ALX1: variants seen among roughly 807,000 people sequenced by gnomAD.
ALX1 encodes the protein ALX homeobox protein 1.
Under a neutral mutation model 31.7 loss-of-function variants are expected in ALX1, and 19 were observed. The observed-to-expected ratio is 0.60, with a 90% confidence interval of 0.42 to 0.88. The LOEUF (loss-of-function observed/expected upper bound fraction) is 0.88, where lower values mean the gene tolerates loss of function less well. Ranked by LOEUF, ALX1 falls within the 40% of genes least tolerant of loss-of-function variation. The probability of loss-of-function intolerance (pLI) is 0.00; values close to 1 mark genes in which losing one functional copy is unlikely to be tolerated. For missense variants in ALX1, 415 were observed against 407.8 expected, an observed-to-expected ratio of 1.02 and a Z score of -0.15; for synonymous variants, 153 against 148.8, an observed-to-expected ratio of 1.03 and a Z score of -0.20.
chr12:85,299,575 A>T (rs968619359), intron 3 of ALX1, among the ~76,000 whole-genome samples: 1 of 151,714 alleles, frequency 6.6e-6, no homozygotes, highest in Non-Finnish European at 1.5e-5. Context: ...ATAAAGAATT[A>T]TTTTTTAAGA....
In ALX1 at chr12:85,301,213, T is replaced by C. The variant is rs574106917; in HGVS notation, c.719T>C (p.Met240Thr). 3 of 1,614,076 alleles carry C rather than the reference T, an allele frequency of 1.9e-6. No individual in the cohort carries two copies. The highest frequency in any genetic ancestry group is 1.1e-5 in the South Asian group (1 of 91,078). ...ASGGSVVTSCMLPRDTSSCMT... is the reference protein window; with the variant it reads ...ASGGSVVTSCTLPRDTSSCMT... Reference sequence around the variant, plus strand: ...GGTGGTTCTGTGGTTACTTCATGCATGTTACCACGTGACACTTCCTCCTGT... The same window carrying C: ...GGTGGTTCTGTGGTTACTTCATGCACGTTACCACGTGACACTTCCTCCTGT... Residue 240 changes from methionine (M) to threonine (T), a missense_variant, in exon 4 of 4, where the codon ATG becomes ACG. This residue lies in a region of ALX1 where 174 missense variants were observed against 177.5 expected (regional missense o/e 0.98). Transcript: ENST00000316824.
At chr12:85,293,799 G>C (rs1235208727) in intron 3 of ALX1, among the ~76,000 whole-genome samples, 1 of 151,056 alleles carries the variant, frequency 6.6e-6, no homozygotes. Context: ...TCAAAGCCCA[G>C]GAAGTCTATT....
intron 3 of ALX1, among the ~76,000 whole-genome samples, chr12:85,297,029 T>C (rs117306204): frequency 0.01 from 1,591 of 151,858 alleles, 13 homozygotes; most frequent in Non-Finnish European, 0.016. Flanking sequence ...CACTTTTAGA[T>C]AATATGCACA....
intron 3 of ALX1, 92 bp from the exon 4 acceptor site, chr12:85,301,063 G>T: frequency 6.9e-7 from 1 of 1,446,566 alleles, no homozygotes; most frequent in Non-Finnish European, 9.6e-7. Context: ...ACAATGAATA[G>T]TTAACCAAAT....
At chr12:85,286,622 C>T (rs963097790) in intron 2 of ALX1, among the ~76,000 whole-genome samples, 4 of 151,782 alleles carry the variant, frequency 2.6e-5, no homozygotes, top group Non-Finnish European at 5.9e-5. Flanking sequence ...ATGTATTTCC[C>T]GAAAGTCTCC....
chr12:85,296,350 T>A (rs1477641041), intron 3 of ALX1, among the ~76,000 whole-genome samples: 1 of 151,638 alleles, frequency 6.6e-6, no homozygotes, highest in African/African-American at 2.4e-5. Context: ...CTCCTTCCTC[T>A]CTACTGCTTT....
At chr12:85,290,114 C>T (rs1896799526) in intron 3 of ALX1, among the ~76,000 whole-genome samples, 1 of 151,146 alleles carries the variant, frequency 6.6e-6, no homozygotes, top group Admixed American at 6.6e-5. Context: ...AAATGATCTC[C>T]TCAAGCCTGC....
At chr12:85,293,371 T>C (rs1237425096) in intron 3 of ALX1, among the ~76,000 whole-genome samples, 1 of 150,420 alleles carries the variant, frequency 6.6e-6, no homozygotes, top group African/African-American at 2.4e-5. Context: ...TTTATTTTGT[T>C]GAAATATTTT....
intron 2 of ALX1, among the ~76,000 whole-genome samples, chr12:85,284,738 G>A (rs368756854): frequency 2.0e-5 from 3 of 152,038 alleles, no homozygotes; most frequent in South Asian, 2.1e-4. Context: ...TAGTTTCCAA[G>A]TAGTAAGAGT....
At chr12:85,286,530 G>C (rs1470678569) in intron 2 of ALX1, among the ~76,000 whole-genome samples, 1 of 151,842 alleles carries the variant, frequency 6.6e-6, no homozygotes, top group Non-Finnish European at 1.5e-5. Flanking sequence ...ACAATGTGGA[G>C]ATATATGGAG....
At chr12:85,296,339 TCTC>T (rs1204753889) in intron 3 of ALX1, among the ~76,000 whole-genome samples, 2 of 151,538 alleles carry the variant, frequency 1.3e-5, no homozygotes, top group African/African-American at 2.4e-5. Flanking sequence ...TATTTTCCCT[TCTC>T]CTTCCTCTCT....
chr12:85,289,431 A>G (rs1246268725), intron 3 of ALX1, among the ~76,000 whole-genome samples: 1 of 151,208 alleles, frequency 6.6e-6, no homozygotes, highest in Non-Finnish European at 1.5e-5. Flanking sequence ...AGGAACGGAC[A>G]TGGTACACCA....
At chr12:85,283,486 A>C (rs1896706521) in intron 1 of ALX1, 86 bp from the exon 2 acceptor site, 1 of 1,393,758 alleles carries the variant, frequency 7.2e-7, no homozygotes, top group South Asian at 1.2e-5. Flanking sequence ...CAATTTCTTG[A>C]TACTCTCAAT....
chr12:85,287,182 A>G (rs1482132975), intron 3 of ALX1, among the ~76,000 whole-genome samples: 1 of 151,832 alleles, frequency 6.6e-6, no homozygotes, highest in African/African-American at 2.4e-5. Context: ...TCATTCATTT[A>G]AAAATATTTC....
chr12:85,299,575 AT>A (rs1335728611), intron 3 of ALX1, among the ~76,000 whole-genome samples: 3 of 151,830 alleles, frequency 2.0e-5, no homozygotes, highest in East Asian at 1.9e-4. Flanking sequence ...ATAAAGAATT[AT>A]TTTTTAAGAC....
At chr12:85,287,086 A>G (rs1053812008) in intron 3 of ALX1, 105 bp downstream of exon 3, 27 of 1,333,654 alleles carry the variant, frequency 2.0e-5, no homozygotes, top group Non-Finnish European at 2.8e-5. Flanking sequence ...ATAGCCAAGA[A>G]TGAAAATCTA....
chr12:85,280,270 T>G lies in ALX1; in HGVS notation c.9T>G (p.Phe3Leu). MEFLSEKFALKSP... is the reference protein window; with the variant it reads MELLSEKFALKSP... ...GACAGTCTTCCAGGATTATGGAGTT[T>G]CTGAGCGAGAAGTTTGCCCTCAAGA... The change falls in exon 1 of 4, where the codon TTT becomes TTG. Residue 3 changes from phenylalanine (F) to leucine (L), a missense_variant. Around this residue, in one of 3 missense-constraint regions of ALX1, gnomAD observed 235 missense variants for 208.9 expected, o/e 1.13. Coordinates refer to ENST00000316824, the MANE Select transcript of ALX1 (RefSeq NM_006982.3). 1 of 1,613,338 alleles carries G rather than the reference T, an allele frequency of 6.2e-7. No homozygotes were observed. Among genetic ancestry groups the G allele is most frequent in the Non-Finnish European group, 8.5e-7 (1 of 1,180,022 alleles).
At chr12:85,295,806 T>C (rs1230688010) in intron 3 of ALX1, among the ~76,000 whole-genome samples, 1 of 151,560 alleles carries the variant, frequency 6.6e-6, no homozygotes, top group African/African-American at 2.4e-5. Flanking sequence ...ACTCTATATA[T>C]AGATGAGAAG....
At chr12:85,281,114 G>A (rs114662219) in intron 1 of ALX1, among the ~76,000 whole-genome samples, 5,006 of 152,144 alleles carry the variant, frequency 0.033, 260 homozygotes, top group African/African-American at 0.11. Flanking sequence ...AACACGCGTT[G>A]AATGTTTGTT....
Sources: gnomAD v4.1 joint callset for allele counts (sites outside exome capture counted in the v4.1 genomes callset) on GRCh38, gnomAD v4.1.1 for gene constraint, gnomAD v4.1.1 regional missense constraint, MANE v1.5 for transcripts, NCBI Gene and HGNC (gene_info 2026-07-23, HGNC 2026-07-21) for gene names.